The following COX7B2 variants were observed in gnomAD, a reference collection of about 807,000 sequenced individuals.
COX7B2 encodes the protein cytochrome c oxidase subunit 7B2, mitochondrial.
For missense variants in COX7B2, 109 were observed against 95.9 expected (o/e 1.14, Z -0.57); for synonymous variants, 37 against 32.1 (o/e 1.15, Z -0.51).
intron 1 of COX7B2, among the ~76,000 whole-genome samples, chr4:46,887,434 G>T (rs996370375): frequency 6.6e-6 from 1 of 151,972 alleles, no homozygotes; most frequent in Non-Finnish European, 1.5e-5. Context: ...TATCCTGGCC[G>T]GGCACAGTGG....
At chr4:46,837,980 C>A (rs977410524) in intron 2 of COX7B2, among the ~76,000 whole-genome samples, 3 of 151,890 alleles carry the variant, frequency 2.0e-5, no homozygotes, top group African/African-American at 7.3e-5. Flanking sequence ...ACATGGAAGT[C>A]AACATAGATA....
intron 2 of COX7B2, among the ~76,000 whole-genome samples, chr4:46,836,263 A>G (rs901895715): frequency 8.5e-5 from 13 of 152,138 alleles, no homozygotes; most frequent in African/African-American, 3.1e-4. Context: ...CTCCTTTGTG[A>G]TAATATTTAG....
intron 2 of COX7B2, among the ~76,000 whole-genome samples, chr4:46,810,488 TTA>T (rs1314825651): frequency 6.6e-6 from 1 of 152,108 alleles, no homozygotes; most frequent in Non-Finnish European, 1.5e-5. Context: ...CAAAAGTATC[TTA>T]TAGTCTACTA....
chr4:46,877,443 G>A (rs1261577752), intron 1 of COX7B2, among the ~76,000 whole-genome samples: 4 of 152,072 alleles, frequency 2.6e-5, no homozygotes, highest in East Asian at 3.9e-4. Context: ...CATTGTGACC[G>A]CAAACTTTTC....
intron 2 of COX7B2, among the ~76,000 whole-genome samples, chr4:46,793,604 G>A (rs547412898): frequency 3.4e-4 from 52 of 152,158 alleles, no homozygotes; most frequent in Non-Finnish European, 7.4e-4. Flanking sequence ...ATTCAGATGT[G>A]CAGCTCAAAC....
chr4:46,810,260 T>C (rs531145381), intron 2 of COX7B2, among the ~76,000 whole-genome samples: 8 of 152,148 alleles, frequency 5.3e-5, no homozygotes, highest in African/African-American at 1.9e-4. Flanking sequence ...ATGTGATCAA[T>C]TTACATTCAA....
At chr4:46,738,603 C>A (rs1714512000) in intron 2 of COX7B2, among the ~76,000 whole-genome samples, 1 of 151,970 alleles carries the variant, frequency 6.6e-6, no homozygotes, top group African/African-American at 2.4e-5. Flanking sequence ...ATTGTTTAAA[C>A]CCATATTACA....
intron 2 of COX7B2, among the ~76,000 whole-genome samples, chr4:46,811,821 G>T (rs1719300520): frequency 6.6e-6 from 1 of 152,120 alleles, no homozygotes; most frequent in Non-Finnish European, 1.5e-5. Context: ...GTTGAACACG[G>T]TGCAAGCAAC....
intron 2 of COX7B2, among the ~76,000 whole-genome samples, chr4:46,752,681 T>C (rs1577662026): frequency 1.3e-5 from 2 of 152,290 alleles, no homozygotes; most frequent in South Asian, 4.1e-4. Flanking sequence ...GATAATCATG[T>C]GGTTTTTGTC....
chr4:46,907,964 C>T (rs1720509359), intron 1 of COX7B2, among the ~76,000 whole-genome samples: 1 of 148,626 alleles, frequency 6.7e-6, no homozygotes, highest in Non-Finnish European at 1.5e-5. Flanking sequence ...AGCGATTCTC[C>T]CGGCTCAGCC....
chr4:46,870,386 T>A (rs1025897516), intron 1 of COX7B2, among the ~76,000 whole-genome samples: 1 of 151,940 alleles, frequency 6.6e-6, no homozygotes, highest in African/African-American at 2.4e-5. Context: ...TTATACTGAA[T>A]GAGCAAAAGT....
intron 2 of COX7B2, among the ~76,000 whole-genome samples, chr4:46,768,128 G>A (rs982503809): frequency 6.6e-6 from 1 of 152,260 alleles, no homozygotes; most frequent in Non-Finnish European, 1.5e-5. Flanking sequence ...GCTCACTGGA[G>A]AGTCAGTGTG....
chr4:46,820,025 C>T (rs550456718), intron 2 of COX7B2, among the ~76,000 whole-genome samples: 6 of 152,272 alleles, frequency 3.9e-5, no homozygotes, highest in Non-Finnish European at 8.8e-5. Context: ...GAACCGGTTT[C>T]GTGGAAAACA....
At chr4:46,753,352 T>G (rs899084797) in intron 2 of COX7B2, among the ~76,000 whole-genome samples, 1 of 152,096 alleles carries the variant, frequency 6.6e-6, no homozygotes, top group Non-Finnish European at 1.5e-5. Context: ...ATTTTGTTGA[T>G]CTTTTCAAAA....
intron 2 of COX7B2, among the ~76,000 whole-genome samples, chr4:46,844,534 T>C (rs1425765272): frequency 2.0e-5 from 3 of 151,958 alleles, no homozygotes; most frequent in African/African-American, 7.2e-5. Flanking sequence ...AACACTGAAA[T>C]GATGGATGGC....
intron 2 of COX7B2, among the ~76,000 whole-genome samples, chr4:46,785,263 T>C (rs1255983174): frequency 2.6e-5 from 4 of 152,150 alleles, no homozygotes; most frequent in African/African-American, 9.7e-5. Flanking sequence ...ATCAATGATG[T>C]AGAAACAACT....
intron 1 of COX7B2, among the ~76,000 whole-genome samples, chr4:46,873,963 A>T (rs1718166331): frequency 1.3e-5 from 2 of 152,168 alleles, no homozygotes; most frequent in South Asian, 4.1e-4. Flanking sequence ...TTTAAGCCAC[A>T]GTGCCATTCT....
At chr4:46,842,698 A>C (rs1716015727) in intron 2 of COX7B2, among the ~76,000 whole-genome samples, 1 of 152,026 alleles carries the variant, frequency 6.6e-6, no homozygotes, top group Non-Finnish European at 1.5e-5. Context: ...GATGGTTTCC[A>C]GTTTCATCCA....
intron 2 of COX7B2, among the ~76,000 whole-genome samples, chr4:46,799,239 T>C (rs933630255): frequency 6.6e-6 from 1 of 152,182 alleles, no homozygotes; most frequent in Non-Finnish European, 1.5e-5. Context: ...TAAAGTTGTT[T>C]ATCCGATCTA....
Sources: allele counts gnomAD v4.1 joint callset (sites outside exome capture counted in the v4.1 genomes callset), GRCh38; gene constraint gnomAD v4.1.1; transcripts MANE v1.5; gene names NCBI Gene and HGNC (gene_info 2026-07-23, HGNC 2026-07-21).